DUSP4: variants seen among roughly 807,000 people sequenced by gnomAD.
DUSP4 encodes dual specificity protein phosphatase 4.
In DUSP4, 12 loss-of-function variants were observed where a neutral mutation model predicts 27.2. The observed-to-expected ratio is 0.44, with a 90% confidence interval of 0.28 to 0.71. The LOEUF is 0.71. DUSP4 is among the 30% of genes least tolerant of loss of function. DUSP4 has a pLI of 0.14. For missense variants in DUSP4, 448 were observed against 551.3 expected (o/e 0.81, Z 1.88); for synonymous variants, 257 against 245.2 (o/e 1.05, Z -0.45).
Position 29,334,244 on chromosome 8 carries a change from C to A in DUSP4, c.*2782G>T, listed in dbSNP as rs577862620. On this transcript the variant is annotated 3_prime_UTR_variant, in exon 4 of 4. Transcript: ENST00000240100. ...TCCTGTCATTACAGAAACTTCCCATCACCAGAATCCCTTCATGGGAGGGAT... is the reference window on the plus strand; with the variant it reads ...TCCTGTCATTACAGAAACTTCCCATAACCAGAATCCCTTCATGGGAGGGAT... The A allele has an allele frequency of 6.6e-6, 1 of 152,366 alleles. No homozygotes were observed. Among genetic ancestry groups the A allele is most frequent in the African/African-American group, 2.4e-5 (1 of 41,576 alleles). The allele number at this position is 152,366 out of a possible 1,614,324, so 9.4% of individuals were successfully genotyped here. A position where few individuals can be genotyped will look rare whatever the true frequency, so the allele number is the denominator to read the frequency against.
chr8:29,337,118 C>CCG lies in DUSP4; in HGVS notation c.1092_1093insCG (p.Val365ArgfsTer59). 1 of 1,610,742 alleles carries CCG rather than the reference C, an allele frequency of 6.2e-7. No individual in the cohort carries two copies. On this transcript the variant is annotated frameshift_variant, in exon 4 of 4. Coordinates refer to ENST00000240100, the MANE Select transcript of DUSP4 (RefSeq NM_001394.7). LOFTEE classifies it high-confidence loss of function. This position sits in a 1 kb window ranked among gnomAD's most constrained non-coding sequence, Gnocchi z 6.4. ...CCCACGGAGACCGGAAAGCTGAAGACGAACTGCGAGGTGGGGGTGGCGGGG... is the reference window on the plus strand; with the variant it reads ...CCCACGGAGACCGGAAAGCTGAAGACCGGAACTGCGAGGTGGGGGTGGCGGGG...
intron 1 of DUSP4, 95 bp from the exon 2 acceptor site, chr8:29,340,338 G>A: frequency 1.4e-6 from 2 of 1,458,948 alleles, no homozygotes; most frequent in Non-Finnish European, 1.8e-6. Flanking sequence ...GGACTGCTAG[G>A]AAGGCAGGGG....
Position 29,337,092 on chromosome 8 carries a change from G to C in DUSP4, c.1119C>G (p.Gly373=), listed in dbSNP as rs768504501. 1 of 1,609,160 alleles carries C rather than the reference G, an allele frequency of 6.2e-7. No homozygotes were observed. Among genetic ancestry groups the C allele is most frequent in the Non-Finnish European group, 8.5e-7 (1 of 1,177,888 alleles). ...QFVFSFPVSV[G]VHSAPSSLPY... is the part of the protein sequence containing the mutation. The stretch of plus-strand genomic sequence containing the variant: ...GCAGGCTGCTGGGGGCCGAGTGCAC[G>C]CCCACGGAGACCGGAAAGCTGAAGA... Residue 373 remains glycine (G), a synonymous_variant, in exon 4 of 4, where the codon GGC becomes GGG. Transcript: ENST00000240100. The surrounding 1 kb of genome is among the most constrained non-coding windows in gnomAD (Gnocchi z 6.4).
intron 2 of DUSP4, among the ~76,000 whole-genome samples, chr8:29,339,706 CTT>C (rs1817627485): frequency 6.6e-6 from 1 of 152,008 alleles, no homozygotes; most frequent in Non-Finnish European, 1.5e-5. Flanking sequence ...CATTCAAAGA[CTT>C]AAAAAAATCT....
At position 29,337,460 on chromosome 8, in the gene DUSP4, C is replaced by G. The variant is rs1817595941; in HGVS notation, c.800-49G>C. 3 of 1,534,534 alleles carry G rather than the reference C, an allele frequency of 2.0e-6. No individual in the cohort carries two copies. The highest frequency in any genetic ancestry group is 2.6e-6 in the Non-Finnish European group (3 of 1,145,706). On this transcript the variant is annotated intron_variant, in intron 3 of 3. Coordinates refer to ENST00000240100, the MANE Select transcript of DUSP4 (RefSeq NM_001394.7). The surrounding 1 kb of genome is among the most constrained non-coding windows in gnomAD (Gnocchi z 6.4). ...AGTGCACGTTTCTGCAGACCCCAGC[C>G]CCGACCAGGGGCACCGGCCAGCCCC... is the stretch of plus-strand genomic sequence containing the variant.
intron 1 of DUSP4, among the ~76,000 whole-genome samples, chr8:29,346,636 C>T (rs890335403): frequency 1.3e-5 from 2 of 152,126 alleles, no homozygotes; most frequent in African/African-American, 4.8e-5. Context: ...AAAAATTACC[C>T]CACTGGAAAT....
At position 29,336,706 on chromosome 8, in the gene DUSP4, A is replaced by G. The variant is rs1817578058; in HGVS notation, c.*320T>C. On this transcript the variant is annotated 3_prime_UTR_variant, in exon 4 of 4. Transcript: ENST00000240100. Reference sequence around the variant, plus strand: ...TTTGCTAGGATCTGTGGGTTTCATCACTTCAAGCCTTACTGCTTAAAAAAA... The same window carrying G: ...TTTGCTAGGATCTGTGGGTTTCATCGCTTCAAGCCTTACTGCTTAAAAAAA... 7 of 253,520 alleles carry G rather than the reference A, an allele frequency of 2.8e-5. No individual in the cohort carries two copies. Among genetic ancestry groups the G allele is most frequent in the South Asian group, 1.0e-4 (1 of 9,624 alleles). 15.7% of individuals were successfully genotyped at this position (253,520 alleles called of 1,614,324 possible). A position where few individuals can be genotyped will look rare whatever the true frequency, so the allele number is the denominator to read the frequency against.
At chr8:29,346,072 G>A (rs1817730460) in intron 1 of DUSP4, 2 of 984,992 alleles carry the variant, frequency 2.0e-6, no homozygotes, top group Admixed American at 6.2e-5. Flanking sequence ...AGCAATGGTG[G>A]GGCTAGAGAG....
rs754650334 is a variant in DUSP4, at chr8:29,350,207, A to G, written c.72T>C (p.Asn24=). The change falls in exon 1 of 4, where the codon AAT becomes AAC. Residue 24 remains asparagine, a synonymous_variant. Transcript: ENST00000240100. ...TGCCGCTGCCGCCCGCGCCGCCGCC[A>G]TTCTCGTCCCGGTTCATCAGCCTTT... ...VLKRLMNRDE[N]GGGAGGSGSH... 9 of 1,608,198 alleles carry G rather than the reference A, an allele frequency of 5.6e-6. No individual in the cohort carries two copies. The highest frequency in any genetic ancestry group is 5.4e-5 in the African/African-American group (4 of 74,684).
At chr8:29,347,888 A>C in intron 1 of DUSP4, 1 of 985,338 alleles carries the variant, frequency 1.0e-6, no homozygotes, top group South Asian at 4.7e-5. Flanking sequence ...GGGAGGGAGG[A>C]CTCTCAACGG....
chr8:29,339,371 G>C (rs930617303), intron 2 of DUSP4, among the ~76,000 whole-genome samples: 2 of 152,176 alleles, frequency 1.3e-5, no homozygotes, highest in Non-Finnish European at 2.9e-5. Context: ...TTCTTGGAGG[G>C]AGGGTGGGTG....
intron 1 of DUSP4, among the ~76,000 whole-genome samples, chr8:29,341,756 T>C (rs1817658759): frequency 6.6e-6 from 1 of 152,108 alleles, no homozygotes; most frequent in South Asian, 2.1e-4. Context: ...ATGCAGTAAT[T>C]AGAGGATGAG....
At chr8:29,347,153 CA>C (rs1817747612) in intron 1 of DUSP4, among the ~76,000 whole-genome samples, 1 of 152,222 alleles carries the variant, frequency 6.6e-6, no homozygotes, top group Non-Finnish European at 1.5e-5. Flanking sequence ...CTTTGCTTCT[CA>C]AAATTCCCCT....
rs2637819 is a variant in DUSP4, at chr8:29,350,355, G to A, written c.-77C>T. ...GGCCGCCTAGGCTGCAGAAAGGGGCGGGCGAGAGCTAAGAAGGGACGCCTG... is the reference window on the plus strand; with the variant it reads ...GGCCGCCTAGGCTGCAGAAAGGGGCAGGCGAGAGCTAAGAAGGGACGCCTG... On this transcript the variant is annotated 5_prime_UTR_variant, in exon 1 of 4. Coordinates refer to ENST00000240100, the MANE Select transcript of DUSP4 (RefSeq NM_001394.7). 0.26 allele frequency: 376,770 copies of A among 1,474,880 alleles called. 52,333 individuals are homozygous for A. The highest frequency in any genetic ancestry group is 0.59 in the East Asian group (25,500 of 42,868). The allele number at this position is 1,474,880 out of a possible 1,614,324, so 91.4% of individuals were successfully genotyped here. A position where few individuals can be genotyped will look rare whatever the true frequency, so the allele number is the denominator to read the frequency against.
chr8:29,338,667 G>A (rs1817614213), intron 2 of DUSP4, among the ~76,000 whole-genome samples, 166 bp from the exon 3 acceptor site: 1 of 152,218 alleles, frequency 6.6e-6, no homozygotes, highest in African/African-American at 2.4e-5. Flanking sequence ...AACTCTTGGA[G>A]GGGTGATAGG....
Position 29,337,116 on chromosome 8 carries a change from G to C in DUSP4, c.1095C>G (p.Val365=). The C allele has an allele frequency of 6.2e-7, 1 of 1,610,922 alleles. No individual in the cohort carries two copies. Among genetic ancestry groups the C allele is most frequent in the Non-Finnish European group, 8.5e-7 (1 of 1,178,650 alleles). ...CGCCCACGGAGACCGGAAAGCTGAA[G>C]ACGAACTGCGAGGTGGGGGTGGCGG... is the stretch of plus-strand genomic sequence containing the variant. ...KTPATPTSQF[V]FSFPVSVGVH... The change falls in exon 4 of 4, where the codon GTC becomes GTG. Residue 365 remains valine, a synonymous_variant. Coordinates refer to ENST00000240100, the MANE Select transcript of DUSP4 (RefSeq NM_001394.7). This position sits in a 1 kb window ranked among gnomAD's most constrained non-coding sequence, Gnocchi z 6.4.
In DUSP4 at chr8:29,349,943, G is replaced by A; in HGVS notation, c.336C>T (p.Ser112=). 3 of 1,594,336 alleles carry A rather than the reference G, an allele frequency of 1.9e-6. No homozygotes were observed. The highest frequency in any genetic ancestry group is 2.6e-6 in the Non-Finnish European group (3 of 1,174,574). ...YSAVIVYDER[S]PRAESLREDS... ...CCTCGCGGAGGCTCTCGGCGCGCGG[G>A]CTGCGCTCGTCGTAGACGATGACCG... The change falls in exon 1 of 4, where the codon AGC becomes AGT. Residue 112 remains serine (S), a synonymous_variant. Transcript: ENST00000240100.
At position 29,337,066 on chromosome 8, in the gene DUSP4, G is replaced by A; in HGVS notation, c.1145C>T (p.Pro382Leu). The change falls in exon 4 of 4, where the codon CCC becomes CTC. Residue 382 changes from proline to leucine, a missense_variant. This residue lies in a region of DUSP4 where 100 missense variants were observed against 139.8 expected (regional missense o/e 0.72). Transcript: ENST00000240100. The surrounding 1 kb of genome is among the most constrained non-coding windows in gnomAD (Gnocchi z 6.4). ...GGTGGTGATGGGGCTGTGCAGGTAGGGCAGGCTGCTGGGGGCCGAGTGCAC... is the reference window on the plus strand; with the variant it reads ...GGTGGTGATGGGGCTGTGCAGGTAGAGCAGGCTGCTGGGGGCCGAGTGCAC... ...VGVHSAPSSL[P>L]YLHSPITTSP... 1 of 1,607,068 alleles carries A rather than the reference G, an allele frequency of 6.2e-7. No homozygotes were observed. Among genetic ancestry groups the A allele is most frequent in the Non-Finnish European group, 8.5e-7 (1 of 1,176,996 alleles).
chr8:29,338,155 G>T, intron 3 of DUSP4, 127 bp downstream of exon 3: 1 of 938,260 alleles, frequency 1.1e-6, no homozygotes. Context: ...TCCCAATGAG[G>T]AAGAGGGGGA....
Sources: allele counts gnomAD v4.1 joint callset (sites outside exome capture counted in the v4.1 genomes callset), GRCh38; gene constraint gnomAD v4.1.1; regional missense constraint gnomAD v4.1.1; non-coding constraint Gnocchi (gnomAD v3.1); transcripts MANE v1.5; gene names NCBI Gene and HGNC (gene_info 2026-07-23, HGNC 2026-07-21).